Variants in NEK1 observed in about 807,000 individuals in gnomAD.
NEK1 encodes NIMA related kinase 1.
NEK1 carries 137 observed loss-of-function variants against 182.1 expected under a neutral mutation model. The observed-to-expected ratio is 0.75, with a 90% CI of 0.65 to 0.87. The LOEUF (loss-of-function observed/expected upper bound fraction) is 0.87. Among genes scored for constraint, NEK1 ranks in the 40% least tolerant of loss-of-function variants. The pLI is 0.00. For synonymous variants in NEK1, 513 were observed against 492.2 expected, an observed-to-expected ratio of 1.04 and a Z score of -0.56; for missense variants, 1,391 against 1,494.4, an observed-to-expected ratio of 0.93 and a Z score of 1.14.
chr4:169,557,542 T>G (rs1762327280), intron 16 of NEK1, among the ~76,000 whole-genome samples: 2 of 152,034 alleles, frequency 1.3e-5, no homozygotes, highest in Admixed American at 1.3e-4. Flanking sequence ...AACCATTTTC[T>G]GAGTGTGTGA....
chr4:169,428,323 T>A lies in NEK1; in HGVS notation c.2886-2089A>T, dbSNP rs188914214. On this transcript the variant is annotated intron_variant, in intron 29 of 35. Transcript: ENST00000507142. ...ATGGTGGAAACAACCTACGTGCCCATCAACTGATGAATTATAAAAATATAT... is the reference window on the plus strand; with the variant it reads ...ATGGTGGAAACAACCTACGTGCCCAACAACTGATGAATTATAAAAATATAT... Among the ~76,000 whole-genome samples the A allele has an allele frequency of 7.6e-5, 7 of 91,808 alleles. No individual in the cohort carries two copies. The East Asian group carries it at 2.3e-3, about 30-fold the overall frequency. The allele number at this position is 91,808 out of a possible 152,430, so 60.2% of individuals were successfully genotyped here. A position where few individuals can be genotyped will look rare whatever the true frequency, so the allele number is the denominator to read the frequency against.
At chr4:169,608,116 TACACAC>T (rs57287742) in intron 2 of NEK1, among the ~76,000 whole-genome samples, 3 of 147,996 alleles carry the variant, frequency 2.0e-5, no homozygotes, top group Non-Finnish European at 3.0e-5. Context: ...CACACACACA[TACACAC>T]ACACACACAC....
At chr4:169,499,044 A>C (rs1356478405) in intron 23 of NEK1, among the ~76,000 whole-genome samples, 1 of 152,200 alleles carries the variant, frequency 6.6e-6, no homozygotes. Flanking sequence ...AGGTACACCA[A>C]TCAGACGTAG....
At chr4:169,570,510 G>A (rs1341430964) in intron 12 of NEK1, among the ~76,000 whole-genome samples, 1 of 150,188 alleles carries the variant, frequency 6.7e-6, no homozygotes, top group African/African-American at 2.5e-5. Flanking sequence ...GAGGTGGGGG[G>A]GTCAGCCCCC....
At position 169,612,097 on chromosome 4, in the gene NEK1, G is replaced by A. The variant is rs2150179033; in HGVS notation, c.-126C>T. The A allele has an allele frequency of 6.6e-6, 1 of 152,380 alleles. No individual in the cohort carries two copies. Among genetic ancestry groups the A allele is most frequent in the African/African-American group, 2.4e-5 (1 of 41,556 alleles). 9.4% of individuals were successfully genotyped at this position (152,380 alleles called of 1,614,324 possible). On this transcript the variant is annotated 5_prime_UTR_variant, in exon 2 of 36. Coordinates refer to ENST00000507142, the MANE Select transcript of NEK1 (RefSeq NM_001199397.3). ...GTCTAGGTGTGGCAGTCTTCCTACG[G>A]GGCTTAATAAAGCAGAGGTACCATC...
At chr4:169,527,597 T>C (rs1263883429) in intron 19 of NEK1, among the ~76,000 whole-genome samples, 1 of 152,076 alleles carries the variant, frequency 6.6e-6, no homozygotes, top group African/African-American at 2.4e-5. Context: ...TATAAACAGA[T>C]TGTAAAAAGT....
At chr4:169,534,208 G>C (rs1460167599) in intron 19 of NEK1, among the ~76,000 whole-genome samples, 2 of 152,140 alleles carry the variant, frequency 1.3e-5, no homozygotes, top group Non-Finnish European at 2.9e-5. Context: ...AACACTAAAA[G>C]TCTGAACAAA....
intron 23 of NEK1, among the ~76,000 whole-genome samples, chr4:169,480,420 T>C (rs1385196362): frequency 6.6e-6 from 1 of 151,434 alleles, no homozygotes; most frequent in Non-Finnish European, 1.5e-5. Context: ...GCATACAAAA[T>C]TTATGTTTAC....
chr4:169,424,883 C>T, intron 30 of NEK1, 83 bp from the exon 31 acceptor site: 2 of 1,378,398 alleles, frequency 1.5e-6, no homozygotes, highest in Non-Finnish European at 1.9e-6. Flanking sequence ...CAGTATGTAA[C>T]ACAAATTCTA....
intron 18 of NEK1, among the ~76,000 whole-genome samples, chr4:169,543,667 A>G (rs1168606914): frequency 6.6e-6 from 1 of 152,160 alleles, no homozygotes; most frequent in Non-Finnish European, 1.5e-5. Context: ...TTCCTTGAGC[A>G]GTAGTTTGTA....
intron 28 of NEK1, among the ~76,000 whole-genome samples, chr4:169,436,602 AG>A (rs1738455850): frequency 6.6e-6 from 1 of 152,234 alleles, no homozygotes; most frequent in African/African-American, 2.4e-5. Context: ...TGAAGAAAAA[AG>A]TTTAGCTTAT....
chr4:169,505,799 G>C (rs946625764), intron 23 of NEK1, among the ~76,000 whole-genome samples: 1 of 152,116 alleles, frequency 6.6e-6, no homozygotes, highest in Admixed American at 6.5e-5. Context: ...CACTGGATAA[G>C]AGGATAAGCA....
chr4:169,587,436 G>A (rs999305058), intron 9 of NEK1, 123 bp downstream of exon 9: 3 of 540,852 alleles, frequency 5.5e-6, no homozygotes, highest in African/African-American at 4.0e-5. Flanking sequence ...ATTCAAAAAT[G>A]GACTTAGAGG....
chr4:169,424,484 T>G, intron 31 of NEK1, 69 bp downstream of exon 31: 1 of 1,468,784 alleles, frequency 6.8e-7, no homozygotes, highest in Non-Finnish European at 9.1e-7. Context: ...AATATTATGG[T>G]TTATAAAAGA....
At chr4:169,398,348 G>GA (rs902370350) in intron 35 of NEK1, among the ~76,000 whole-genome samples, 12 of 150,536 alleles carry the variant, frequency 8.0e-5, no homozygotes, top group African/African-American at 2.9e-4. Flanking sequence ...TCTCATGCCT[G>GA]AAAAAAATAC....
chr4:169,488,757 G>A (rs1314080376), intron 23 of NEK1, among the ~76,000 whole-genome samples: 2 of 151,966 alleles, frequency 1.3e-5, no homozygotes, highest in South Asian at 2.1e-4. Context: ...CCTGAGTAAC[G>A]GTCAATGAGT....
intron 18 of NEK1, among the ~76,000 whole-genome samples, chr4:169,550,141 G>T (rs561093938): frequency 1.3e-5 from 2 of 152,136 alleles, no homozygotes; most frequent in African/African-American, 4.8e-5. Context: ...TCATGATGGC[G>T]GGTCTTTCCT....
intron 5 of NEK1, 145 bp from the exon 6 acceptor site, chr4:169,590,954 A>G (rs998470911): frequency 5.0e-6 from 3 of 604,352 alleles, no homozygotes; most frequent in Non-Finnish European, 8.7e-6. Context: ...CATTAAATAG[A>G]TATTCAAGTC....
At chr4:169,480,728 G>C (rs1361975389) in intron 23 of NEK1, among the ~76,000 whole-genome samples, 1 of 151,994 alleles carries the variant, frequency 6.6e-6, no homozygotes, top group Non-Finnish European at 1.5e-5. Context: ...TTTTGATTTT[G>C]TAAAAATATT....
Sources: gnomAD v4.1 joint callset for allele counts (sites outside exome capture counted in the v4.1 genomes callset) on GRCh38, gnomAD v4.1.1 for gene constraint, MANE v1.5 for transcripts, NCBI Gene and HGNC (gene_info 2026-07-23, HGNC 2026-07-21) for gene names.